CYP46A1: variants seen among roughly 807,000 people sequenced by gnomAD.
The protein encoded by CYP46A1 is cytochrome P450 family 46 subfamily A member 1, also known as cholesterol 24-hydroxylase.
A neutral mutation model predicts 63.3 loss-of-function variants in CYP46A1; 20 were observed. That is an observed-to-expected ratio of 0.32 (90% confidence interval 0.22 to 0.46). CYP46A1 has a LOEUF of 0.46. CYP46A1 is among the 20% of genes least tolerant of loss of function. The probability of loss-of-function intolerance (pLI) is 1.00; values close to 1 mark genes in which losing one functional copy is unlikely to be tolerated. For missense variants in CYP46A1, 445 were observed against 670.8 expected (o/e 0.66, Z 3.72); for synonymous variants, 268 against 273.6 (o/e 0.98, Z 0.20).
chr14:99,699,757 G>A (rs563457227), intron 4 of CYP46A1, among the ~76,000 whole-genome samples: 2 of 152,340 alleles, frequency 1.3e-5, no homozygotes, highest in East Asian at 3.9e-4. Flanking sequence ...AGAGGCCACT[G>A]AGGTTGGGTA....
chr14:99,707,509 C>T, intron 6 of CYP46A1, 59 bp from the exon 7 acceptor site: 1 of 1,401,958 alleles, frequency 7.1e-7, no homozygotes, highest in Non-Finnish European at 1.0e-6. Context: ...CCAGGCTTTG[C>T]CCTGGATCTG....
chr14:99,720,603 C>A (rs1468724908), intron 10 of CYP46A1, among the ~76,000 whole-genome samples: 2 of 151,852 alleles, frequency 1.3e-5, no homozygotes, highest in Admixed American at 6.6e-5. Context: ...GGATTACAGG[C>A]ACCCACCACC....
Position 99,716,067 on chromosome 14 carries a change from A to T in CYP46A1, c.845-70A>T, listed in dbSNP as rs1219173729. The T allele has an allele frequency of 4.6e-5, 74 of 1,610,944 alleles. No homozygotes were observed. The Admixed American group carries it at 5.8e-4, about 13-fold the overall frequency. On this transcript the variant is annotated intron_variant, in intron 8 of 14. Coordinates refer to ENST00000261835, the MANE Select transcript of CYP46A1 (RefSeq NM_006668.2). ...TTGGCTTAAGAGGAGAAACACAGTT[A>T]GTTATTTTATGAGCCATGGGGAAAG... is the stretch of plus-strand genomic sequence containing the variant.
chr14:99,688,876 C>A (rs2056519261), intron 1 of CYP46A1, among the ~76,000 whole-genome samples: 1 of 152,136 alleles, frequency 6.6e-6, no homozygotes, highest in South Asian at 2.1e-4. Flanking sequence ...CCCCCAGCAG[C>A]CTGGGCAGAG....
intron 11 of CYP46A1, 75 bp from the exon 12 acceptor site, chr14:99,721,881 C>T (rs2056850258): frequency 7.9e-7 from 1 of 1,268,270 alleles, no homozygotes. Context: ...ACAGGGGTCC[C>T]AGGCATGCCG....
rs775736426 is a variant in CYP46A1 at position 99,721,219 on chromosome 14, G to C, written c.981-20G>C. 4 of 1,604,084 alleles carry C rather than the reference G, an allele frequency of 2.5e-6. No individual in the cohort carries two copies. The highest frequency in any genetic ancestry group is 1.7e-4 in the Middle Eastern group (1 of 6,040). On this transcript the variant is annotated intron_variant, in intron 10 of 14. Transcript: ENST00000261835. ...ACAGGCTCCCTTTGGAGACGAACTT[G>C]TCTTTGTCTTACCCCACAGGCTGCA...
intron 9 of CYP46A1, chr14:99,717,801 C>G: frequency 6.7e-6 from 3 of 450,980 alleles, no homozygotes; most frequent in Non-Finnish European, 1.2e-5. Context: ...TGTGTCCCCC[C>G]CACTCTCCCT....
chr14:99,686,055 CCTGT>C (rs1197321630), intron 1 of CYP46A1, among the ~76,000 whole-genome samples: 6 of 152,168 alleles, frequency 3.9e-5, no homozygotes, highest in African/African-American at 1.2e-4. Context: ...CCATGGGCCC[CCTGT>C]CTGTCTCAGT....
intron 3 of CYP46A1, among the ~76,000 whole-genome samples, chr14:99,698,208 G>C (rs2056601685): frequency 1.3e-5 from 2 of 152,152 alleles, no homozygotes; most frequent in Non-Finnish European, 2.9e-5. Context: ...GGATAAAGCA[G>C]TAGCCCAGAG....
In CYP46A1 at chr14:99,700,009, C is replaced by T. The variant is rs747142169; in HGVS notation, c.357-6C>T. 7.0e-7 allele frequency: 1 copy of T among 1,436,544 alleles called. No homozygotes were observed. The highest frequency in any genetic ancestry group is 1.1e-5 in the South Asian group (1 of 87,300). The allele number at this position is 1,436,544 out of a possible 1,614,324, so 89.0% of individuals were successfully genotyped here. On this transcript the variant is annotated splice_polypyrimidine_tract_variant and splice_region_variant and intron_variant, in intron 4 of 14. Coordinates refer to ENST00000261835, the MANE Select transcript of CYP46A1 (RefSeq NM_006668.2). ...CTTTCCCGCATCACGTGTGTGTCTC[C>T]TACAGACTCTTCGGCCAAGGCTTGG...
At chr14:99,693,850 T>A (rs1326312671) in intron 3 of CYP46A1, among the ~76,000 whole-genome samples, 1 of 152,212 alleles carries the variant, frequency 6.6e-6, no homozygotes, top group African/African-American at 2.4e-5. Flanking sequence ...AACATAAAAT[T>A]TACCATTTTT....
chr14:99,716,038 CTGTT>C (rs1191708360), intron 8 of CYP46A1, 78 bp downstream of exon 8: 8 of 1,608,390 alleles, frequency 5.0e-6, no homozygotes, highest in East Asian at 2.2e-5. Flanking sequence ...GCCACTGACT[CTGTT>C]TGGCTTAAGA....
chr14:99,708,407 G>A (rs2056699527), intron 7 of CYP46A1: 2 of 165,486 alleles, frequency 1.2e-5, no homozygotes, highest in South Asian at 1.3e-4. Flanking sequence ...AGGGGCCTGA[G>A]GAATGGTCTA....
At chr14:99,720,173 T>C (rs1443130154) in intron 10 of CYP46A1, among the ~76,000 whole-genome samples, 1 of 152,224 alleles carries the variant, frequency 6.6e-6, no homozygotes, top group Non-Finnish European at 1.5e-5. Flanking sequence ...CGTTTGTCTA[T>C]TTTGAATAAT....
At chr14:99,720,381 G>A (rs2056834818) in intron 10 of CYP46A1, among the ~76,000 whole-genome samples, 1 of 151,408 alleles carries the variant, frequency 6.6e-6, no homozygotes, top group Non-Finnish European at 1.5e-5. Context: ...TTTCTGATTT[G>A]TCCACATCCT....
chr14:99,718,639 A>G (rs973672709), intron 10 of CYP46A1, among the ~76,000 whole-genome samples: 4 of 152,088 alleles, frequency 2.6e-5, no homozygotes, highest in Admixed American at 6.6e-5. Context: ...TTCCTTAAAT[A>G]CAAACAGGCT....
intron 1 of CYP46A1, among the ~76,000 whole-genome samples, chr14:99,685,218 C>T (rs2056482528): frequency 6.6e-6 from 1 of 151,572 alleles, no homozygotes; most frequent in Non-Finnish European, 1.5e-5. Context: ...CCCGCGAGGC[C>T]CCTGCCGAGC....
At chr14:99,703,655 C>T in intron 5 of CYP46A1, 1 of 984,778 alleles carries the variant, frequency 1.0e-6, no homozygotes, top group Non-Finnish European at 1.2e-6. Flanking sequence ...AGGCTGAGTT[C>T]ATGCCTCCAT....
Position 99,706,678 on chromosome 14 carries a change from G to C in CYP46A1, c.475G>C (p.Glu159Gln). ...SLVSLMETFNEKAEQLVEILE... is the reference protein window; with the variant it reads ...SLVSLMETFNQKAEQLVEILE... ...GGTTAGCTTAATGGAAACATTCAAC[G>C]AGAAGGCTGAGCAGCTGGTGGAGAT... The change falls in exon 6 of 15, where the codon GAG becomes CAG. Residue 159 changes from glutamate to glutamine, a missense_variant. By Grantham distance (29) the Glu-to-Gln change is conservative. This residue lies in a region of CYP46A1 where 252 missense variants were observed against 383.3 expected (regional missense o/e 0.66). Transcript: ENST00000261835. 1.2e-6 allele frequency: 2 copies of C among 1,613,946 alleles called. No homozygotes were observed. The highest frequency in any genetic ancestry group is 1.7e-6 in the Non-Finnish European group (2 of 1,180,010).
Sources: allele counts gnomAD v4.1 joint callset (sites outside exome capture counted in the v4.1 genomes callset), GRCh38; gene constraint gnomAD v4.1.1; regional missense constraint gnomAD v4.1.1; transcripts MANE v1.5; gene names NCBI Gene and HGNC (gene_info 2026-07-23, HGNC 2026-07-21).